FBXO11: variants seen among roughly 807,000 people sequenced by gnomAD.
FBXO11 encodes the protein F-box only protein 11.
Under a neutral mutation model 117.0 loss-of-function variants are expected in FBXO11, and 13 were observed. The ratio of observed to expected loss-of-function variants is 0.11; its 90% CI spans 0.07 to 0.18. The LOEUF (loss-of-function observed/expected upper bound fraction) is 0.18, where lower values mean the gene tolerates loss of function less well. FBXO11 is among the 10% of genes least tolerant of loss of function. The pLI, the probability that FBXO11 is intolerant of heterozygous loss-of-function variation, is 1.00. For synonymous variants in FBXO11, 490 were observed against 380.5 expected (o/e 1.29, Z -3.35); for missense variants, 767 against 1,164.4 (o/e 0.66, Z 4.97).
intron 1 of FBXO11, among the ~76,000 whole-genome samples, chr2:47,846,386 G>C (rs1033769088): frequency 6.6e-6 from 1 of 152,182 alleles, no homozygotes; most frequent in Non-Finnish European, 1.5e-5. Flanking sequence ...AGAATTGCTT[G>C]AACCTGGAAG....
intron 1 of FBXO11, among the ~76,000 whole-genome samples, chr2:47,873,774 A>C (rs1675795477): frequency 6.6e-6 from 1 of 152,176 alleles, no homozygotes; most frequent in South Asian, 2.1e-4. Context: ...TATGCCTTTT[A>C]AAAATTATGT....
chr2:47,826,225 T>A (rs553543755), intron 11 of FBXO11, among the ~76,000 whole-genome samples: 1 of 152,062 alleles, frequency 6.6e-6, no homozygotes, highest in East Asian at 1.9e-4. Flanking sequence ...GCCCAGCTAA[T>A]TTTTTGTATT....
chr2:47,832,665 T>G lies in FBXO11; in HGVS notation c.1167A>C (p.Val389=), dbSNP rs373737350. ...GACATGCTCCTTGACCACTAACACA[T>G]ACTGCAGAACCAACTGTAGAAAAAT... The part of the protein sequence containing the change: ...IRSTCTVGSA[V]CVSGQGACPT... The change falls in exon 10 of 23, where the codon GTA becomes GTC. Residue 389 remains valine (V), a synonymous_variant. Coordinates refer to ENST00000403359, the MANE Select transcript of FBXO11 (RefSeq NM_001190274.2). 1.9e-6 allele frequency: 3 copies of G among 1,613,830 alleles called. No individual in the cohort carries two copies. Among genetic ancestry groups the G allele is most frequent in the Non-Finnish European group, 1.7e-6 (2 of 1,179,834 alleles).
intron 1 of FBXO11, among the ~76,000 whole-genome samples, chr2:47,853,515 G>A (rs914204903): frequency 6.6e-6 from 1 of 152,074 alleles, no homozygotes; most frequent in South Asian, 2.1e-4. Flanking sequence ...AGTATGTGGA[G>A]ACAGTATAGC....
chr2:47,898,001 TCAC>T (rs1016556837), intron 1 of FBXO11, among the ~76,000 whole-genome samples: 2 of 152,190 alleles, frequency 1.3e-5, no homozygotes, highest in African/African-American at 4.8e-5. Flanking sequence ...TAAGGTTTAG[TCAC>T]CACATGGAAG....
At position 47,813,380 on chromosome 2, in the gene FBXO11, A is replaced by G. The variant is rs1320815160; in HGVS notation, c.2084-3T>C. ...ATTGTCTTCTATACAGCCTAGACCTATAAATGCAAAAATGTAGGTTATCTA... is the reference window on the plus strand; with the variant it reads ...ATTGTCTTCTATACAGCCTAGACCTGTAAATGCAAAAATGTAGGTTATCTA... On this transcript the variant is annotated splice_region_variant and splice_polypyrimidine_tract_variant and intron_variant, in intron 17 of 22. Coordinates refer to ENST00000403359, the MANE Select transcript of FBXO11 (RefSeq NM_001190274.2). The G allele has an allele frequency of 6.5e-7, 1 of 1,549,286 alleles. No individual in the cohort carries two copies. The highest frequency in any genetic ancestry group is 2.0e-5 in the Admixed American group (1 of 51,106).
intron 1 of FBXO11, among the ~76,000 whole-genome samples, chr2:47,864,330 G>A (rs1003782980): frequency 1.1e-4 from 17 of 152,242 alleles, no homozygotes; most frequent in African/African-American, 3.9e-4. Context: ...GCTCACGCCT[G>A]TAATCCCAGC....
intron 1 of FBXO11, among the ~76,000 whole-genome samples, chr2:47,861,587 GC>G (rs890337554): frequency 2.6e-5 from 4 of 152,098 alleles, no homozygotes; most frequent in African/African-American, 9.7e-5. Context: ...CTCCTGAAGT[GC>G]TGGGATTACA....
intron 7 of FBXO11, among the ~76,000 whole-genome samples, chr2:47,833,894 C>T (rs1672358098): frequency 6.6e-6 from 1 of 151,854 alleles, no homozygotes; most frequent in African/African-American, 2.4e-5. Context: ...TCTTTAACTC[C>T]TGACCTGAAG....
chr2:47,838,030 A>T (rs1672722946), intron 4 of FBXO11, among the ~76,000 whole-genome samples: 1 of 150,344 alleles, frequency 6.7e-6, no homozygotes, highest in Non-Finnish European at 1.5e-5. Flanking sequence ...GTTCAAGATC[A>T]GACTGAGTAA....
intron 1 of FBXO11, among the ~76,000 whole-genome samples, chr2:47,877,882 A>C (rs1198352241): frequency 6.6e-6 from 1 of 152,098 alleles, no homozygotes; most frequent in Non-Finnish European, 1.5e-5. Context: ...ATGGGGTTTT[A>C]CCATGTTGAT....
intron 1 of FBXO11, among the ~76,000 whole-genome samples, chr2:47,902,875 T>A (rs1017184162): frequency 1.3e-5 from 2 of 151,386 alleles, no homozygotes; most frequent in Non-Finnish European, 2.9e-5. Flanking sequence ...CTATCCAAGA[T>A]CCTAATGCAA....
intron 1 of FBXO11, among the ~76,000 whole-genome samples, chr2:47,900,897 T>TATATATACACGTATACAC (rs1553362453): frequency 1.3e-4 from 11 of 86,360 alleles, no homozygotes; most frequent in African/African-American, 3.2e-4. Flanking sequence ...CACGTATATA[T>TATATATACACGTATACAC]ACACACATAT....
chr2:47,834,687 G>A lies in FBXO11; in HGVS notation c.826C>T (p.Leu276Phe), dbSNP rs2104823565. 1 of 1,611,882 alleles carries A rather than the reference G, an allele frequency of 6.2e-7. No individual in the cohort carries two copies. Among genetic ancestry groups the A allele is most frequent in the Non-Finnish European group, 8.5e-7 (1 of 1,179,168 alleles). ...AAATGAGCCTCTTGTACCCCACCAA[G>A]GGCATCTTCAATAGTATCATAATAC... The part of the protein sequence containing the change: ...MLYYDTIEDA[L>F]GGVQEAHFDG... The change falls in exon 7 of 23, where the codon CTT becomes TTT. Residue 276 changes from leucine (L) to phenylalanine (F), a missense_variant. Leu to Phe is a conservative substitution (Grantham distance 22). Transcript: ENST00000403359.
rs146859492 is a variant in FBXO11 at position 47,900,655 on chromosome 2, TAC to T, written c.232+4832_232+4833del. 6.1e-3 allele frequency among the ~76,000 whole-genome samples: 619 copies of T among 100,810 alleles called. 88 individuals carry two copies. The East Asian group carries it at 0.15, about 25-fold the overall frequency. 66.1% of individuals were successfully genotyped at this position (100,810 alleles called of 152,430 possible). A position where few individuals can be genotyped will look rare whatever the true frequency, so the allele number is the denominator to read the frequency against. ...ACACACGTACGTATATACACACGTATACACACACGTACGTATATACACACGTA... is the reference window on the plus strand; with the variant it reads ...ACACACGTACGTATATACACACGTATACACACGTACGTATATACACACGTA... On this transcript the variant is annotated intron_variant, in intron 1 of 22. Transcript: ENST00000403359.
At chr2:47,839,051 CATT>C (rs1417122502) in intron 3 of FBXO11, 48 bp from the exon 4 acceptor site, 1 of 1,536,594 alleles carries the variant, frequency 6.5e-7, no homozygotes, top group African/African-American at 1.4e-5. Context: ...ATAACTTTCT[CATT>C]ATTTAAAGAA....
chr2:47,829,649 T>G (rs982485837), intron 11 of FBXO11, among the ~76,000 whole-genome samples: 3 of 152,028 alleles, frequency 2.0e-5, no homozygotes, highest in Non-Finnish European at 1.5e-5. Context: ...GAAAATTTGA[T>G]GATATTAAGG....
intron 1 of FBXO11, among the ~76,000 whole-genome samples, chr2:47,869,715 T>C (rs1254351775): frequency 6.6e-6 from 1 of 152,194 alleles, no homozygotes; most frequent in African/African-American, 2.4e-5. Context: ...AGTATGTAAG[T>C]TATAGGATTT....
intron 1 of FBXO11, among the ~76,000 whole-genome samples, chr2:47,851,662 TTATAAAAG>T (rs1198730285): frequency 6.6e-6 from 1 of 152,156 alleles, no homozygotes; most frequent in Non-Finnish European, 1.5e-5. Context: ...CACACAGGTG[TTATAAAAG>T]TATAAAACAG....
Sources: gnomAD v4.1 joint callset for allele counts (sites outside exome capture counted in the v4.1 genomes callset) on GRCh38, gnomAD v4.1.1 for gene constraint, MANE v1.5 for transcripts, NCBI Gene and HGNC (gene_info 2026-07-23, HGNC 2026-07-21) for gene names.